Variants in TNKS observed in about 807,000 individuals in gnomAD.
TNKS encodes tankyrase.
A neutral mutation model predicts 135.8 loss-of-function variants in TNKS; 72 were observed. The observed-to-expected ratio is 0.53, with a 90% CI of 0.44 to 0.64. The LOEUF (loss-of-function observed/expected upper bound fraction) is 0.64. TNKS is among the 30% of genes least tolerant of loss of function. The pLI is 0.00. For synonymous variants in TNKS, 849 were observed against 649.3 expected, an observed-to-expected ratio of 1.31 and a Z score of -4.68; for missense variants, 1,769 against 1,674.0, an observed-to-expected ratio of 1.06 and a Z score of -0.99.
chr8:9,572,908 A>G (rs923181940), intron 1 of TNKS, among the ~76,000 whole-genome samples: 1 of 152,144 alleles, frequency 6.6e-6, no homozygotes, highest in South Asian at 2.1e-4. Context: ...TAAATGTGTC[A>G]TAGCTGAATT....
chr8:9,574,407 C>G (rs1797866283), intron 1 of TNKS, among the ~76,000 whole-genome samples: 1 of 152,178 alleles, frequency 6.6e-6, no homozygotes, highest in Admixed American at 6.5e-5. Flanking sequence ...TTTGACCCAG[C>G]TGTACTTTCA....
intron 1 of TNKS, chr8:9,574,949 T>A: frequency 1.4e-6 from 1 of 738,410 alleles, no homozygotes. Flanking sequence ...CTCTTGTGAC[T>A]GTGAGGTAAG....
In TNKS at chr8:9,613,199, G is replaced by C. The variant is rs185138301; in HGVS notation, c.899-2383G>C. The stretch of plus-strand genomic sequence containing the variant: ...TAAAGACTAAAATATTTACTATCAG[G>C]CCTACTACAGAAAGAGTTAGCTGAC... On this transcript the variant is annotated intron_variant, in intron 2 of 26. Transcript: ENST00000310430. 2.0e-5 allele frequency among the ~76,000 whole-genome samples: 3 copies of C among 152,280 alleles called. No homozygotes were observed. The East Asian group carries it at 5.8e-4, about 29-fold the overall frequency.
At chr8:9,700,739 A>G (rs985808185) in intron 5 of TNKS, among the ~76,000 whole-genome samples, 2 of 151,860 alleles carry the variant, frequency 1.3e-5, no homozygotes, top group Non-Finnish European at 2.9e-5. Flanking sequence ...TTGAAAACTC[A>G]CCCTTCAACT....
At chr8:9,742,954 T>G (rs1206024991) in intron 17 of TNKS, among the ~76,000 whole-genome samples, 1 of 152,128 alleles carries the variant, frequency 6.6e-6, no homozygotes, top group Non-Finnish European at 1.5e-5. Context: ...ATTTGTAGAT[T>G]GATAAATCTG....
intron 3 of TNKS, among the ~76,000 whole-genome samples, chr8:9,627,162 G>A (rs927077985): frequency 3.9e-5 from 6 of 152,186 alleles, no homozygotes; most frequent in East Asian, 1.9e-4. Context: ...CTGAACATGT[G>A]GAGGTTCCTG....
chr8:9,772,809 TTGTGTG>T (rs368113364), intron 26 of TNKS, among the ~76,000 whole-genome samples: 3,115 of 86,644 alleles, frequency 0.036, 81 homozygotes, highest in African/African-American at 0.098. Context: ...GTGTGTGTGT[TTGTGTG>T]TGTGTGTGTG....
intron 3 of TNKS, among the ~76,000 whole-genome samples, chr8:9,650,244 C>T (rs1049227874): frequency 6.6e-5 from 10 of 152,070 alleles, no homozygotes; most frequent in Admixed American, 6.6e-4. Flanking sequence ...TGGGCTGGTT[C>T]CATATTTTTT....
intron 2 of TNKS, among the ~76,000 whole-genome samples, chr8:9,612,614 A>G (rs1031208437): frequency 1.3e-5 from 2 of 152,210 alleles, no homozygotes; most frequent in African/African-American, 4.8e-5. Flanking sequence ...TTTAAGTTTC[A>G]AAGTCCTTAA....
chr8:9,728,584 G>A (rs912532489), intron 13 of TNKS, among the ~76,000 whole-genome samples: 3 of 152,152 alleles, frequency 2.0e-5, no homozygotes, highest in Non-Finnish European at 2.9e-5. Flanking sequence ...GCATTAGGAA[G>A]AAGCTTCAAT....
chr8:9,622,940 T>A (rs1385859969), intron 3 of TNKS, among the ~76,000 whole-genome samples: 3 of 152,196 alleles, frequency 2.0e-5, no homozygotes, highest in African/African-American at 7.2e-5. Flanking sequence ...TATATGTACA[T>A]ACCTGTAATA....
intron 18 of TNKS, among the ~76,000 whole-genome samples, chr8:9,750,136 G>C (rs1235244621): frequency 6.6e-6 from 1 of 152,134 alleles, no homozygotes; most frequent in Non-Finnish European, 1.5e-5. Flanking sequence ...GAATTCACAA[G>C]GTACCACCTT....
intron 2 of TNKS, among the ~76,000 whole-genome samples, chr8:9,590,805 A>G (rs1046806008): frequency 6.6e-6 from 1 of 152,252 alleles, no homozygotes; most frequent in Non-Finnish European, 1.5e-5. Context: ...GTTTCTTACT[A>G]GAAAAATGAT....
intron 2 of TNKS, among the ~76,000 whole-genome samples, chr8:9,606,079 TAA>T (rs1180979147): frequency 6.7e-6 from 1 of 149,368 alleles, no homozygotes; most frequent in African/African-American, 2.5e-5. Context: ...TTTTTTATGT[TAA>T]GTCTTTTATG....
At chr8:9,607,122 A>T (rs1168746611) in intron 2 of TNKS, among the ~76,000 whole-genome samples, 1 of 152,164 alleles carries the variant, frequency 6.6e-6, no homozygotes, top group African/African-American at 2.4e-5. Flanking sequence ...ATTAGATATT[A>T]AAAAAAGAAG....
At chr8:9,645,157 G>A (rs1800874465) in intron 3 of TNKS, among the ~76,000 whole-genome samples, 1 of 152,108 alleles carries the variant, frequency 6.6e-6, no homozygotes, top group African/African-American at 2.4e-5. Context: ...AGTGGTGAAT[G>A]CAAAGGGGAG....
At chr8:9,693,243 C>T (rs1006202047) in intron 5 of TNKS, among the ~76,000 whole-genome samples, 5 of 151,920 alleles carry the variant, frequency 3.3e-5, no homozygotes, top group African/African-American at 1.2e-4. Flanking sequence ...ACAGCTCTTA[C>T]AAAGAATAAG....
chr8:9,724,588 A>G (rs966220745), intron 12 of TNKS, among the ~76,000 whole-genome samples: 2 of 152,180 alleles, frequency 1.3e-5, no homozygotes, highest in African/African-American at 4.8e-5. Context: ...CACTTTATAC[A>G]AAGTTCCTGG....
At position 9,688,527 on chromosome 8, in the gene TNKS, T is replaced by C. The variant is rs182950206; in HGVS notation, c.1107+7727T>C. Among the ~76,000 whole-genome samples, 312 of 152,324 alleles carry C rather than the reference T, an allele frequency of 2.0e-3. 1 individual carries two copies. Among genetic ancestry groups the C allele is most frequent in the African/African-American group, 6.9e-3 (287 of 41,586 alleles). On this transcript the variant is annotated intron_variant, in intron 5 of 26. Transcript: ENST00000310430. ...TAGGATTGCCATACCATTGACAGGG[T>C]AGCTTCAACAACAGAAATTTATTTC...
Sources: allele counts gnomAD v4.1 joint callset (sites outside exome capture counted in the v4.1 genomes callset), GRCh38; gene constraint gnomAD v4.1.1; transcripts MANE v1.5; gene names NCBI Gene and HGNC (gene_info 2026-07-23, HGNC 2026-07-21).